PGR: variants seen among roughly 807,000 people sequenced by gnomAD.
PGR encodes progesterone receptor, also known as nuclear receptor subfamily 3 group C member 3.
PGR carries 25 observed loss-of-function variants against 76.1 expected under a neutral mutation model. The observed-to-expected ratio is 0.33, with a 90% CI of 0.24 to 0.46. PGR has a LOEUF of 0.46. PGR is among the 20% of genes least tolerant of loss of function. The pLI, the probability that PGR is intolerant of heterozygous loss-of-function variation, is 1.00. For missense variants in PGR, 1,172 were observed against 1,225.3 expected, an observed-to-expected ratio of 0.96 and a Z score of 0.65; for synonymous variants, 579 against 535.0, an observed-to-expected ratio of 1.08 and a Z score of -1.14.
At chr11:101,082,063 T>G (rs1861329385) in intron 3 of PGR, among the ~76,000 whole-genome samples, 1 of 152,134 alleles carries the variant, frequency 6.6e-6, no homozygotes, top group African/African-American at 2.4e-5. Flanking sequence ...ATACTGTTGT[T>G]GTGATAATGA....
chr11:101,117,168 T>G (rs1421781506), intron 2 of PGR, among the ~76,000 whole-genome samples: 1 of 152,184 alleles, frequency 6.6e-6, no homozygotes, highest in Non-Finnish European at 1.5e-5. Context: ...TACCAAACTA[T>G]CTTCAGATTC....
chr11:101,054,377 T>C (rs1860214568), intron 4 of PGR, among the ~76,000 whole-genome samples: 1 of 152,196 alleles, frequency 6.6e-6, no homozygotes, highest in Non-Finnish European at 1.5e-5. Context: ...AATTTGCATA[T>C]GACTTGAACG....
chr11:101,124,470 G>A (rs1303792233), intron 2 of PGR, among the ~76,000 whole-genome samples: 1 of 152,070 alleles, frequency 6.6e-6, no homozygotes, highest in African/African-American at 2.4e-5. Flanking sequence ...CTAGTTTTGT[G>A]ACCTTTGGAA....
At position 101,125,949 on chromosome 11, in the gene PGR, T is replaced by C. The variant is rs139468772; in HGVS notation, c.1789+58A>G. The C allele has an allele frequency of 8.5e-6, 12 of 1,404,900 alleles. No individual in the cohort carries two copies. In the African/African-American group the frequency reaches 1.6e-4, roughly 18 times the overall value. The allele number at this position is 1,404,900 out of a possible 1,614,324, so 87.0% of individuals were successfully genotyped here. On this transcript the variant is annotated intron_variant, in intron 2 of 7. Coordinates refer to ENST00000325455, the MANE Select transcript of PGR (RefSeq NM_000926.4). ...GGAATAATTGAAATCTATACAATAT[T>C]AGATGGTCTCCATTTACAATTAAAC...
intron 6 of PGR, among the ~76,000 whole-genome samples, chr11:101,046,895 G>A (rs542593355): frequency 6.6e-6 from 1 of 152,072 alleles, no homozygotes; most frequent in African/African-American, 2.4e-5. Flanking sequence ...TTAATTAACA[G>A]CAGCTTTCTA....
rs1230617190 is a variant in PGR at position 101,035,101 on chromosome 11, C to T, written c.*4015G>A. On this transcript the variant is annotated 3_prime_UTR_variant, in exon 8 of 8. Transcript: ENST00000325455. The stretch of plus-strand genomic sequence containing the variant: ...AAGAGATGTAGAAATTTCCCACATC[C>T]AATGGCTATTGAACAGGCATACTTT... The T allele has an allele frequency of 9.6e-6, 2 of 208,828 alleles. No individual in the cohort carries two copies. The highest frequency in any genetic ancestry group is 1.2e-4 in the Admixed American group (2 of 16,934). 12.9% of individuals were successfully genotyped at this position (208,828 alleles called of 1,614,324 possible).
intron 1 of PGR, 25 bp from the exon 2 acceptor site, chr11:101,126,183 C>A: frequency 6.2e-7 from 1 of 1,612,010 alleles, no homozygotes; most frequent in South Asian, 1.1e-5. Context: ...CAAAGTACTC[C>A]ATTTATTTTT....
At chr11:101,044,114 C>CTTCCAGTGGAAAGCTGTTTTATCTA (rs1457676727) in intron 6 of PGR, among the ~76,000 whole-genome samples, 1 of 152,212 alleles carries the variant, frequency 6.6e-6, no homozygotes, top group Admixed American at 6.5e-5. Flanking sequence ...ATGACATCTT[C>CTTCCAGTGGAAAGCTGTTTTATCTA]TTCCAGTGGA....
chr11:101,051,831 T>C (rs1417670408), intron 4 of PGR, among the ~76,000 whole-genome samples: 1 of 152,134 alleles, frequency 6.6e-6, no homozygotes, highest in Non-Finnish European at 1.5e-5. Context: ...CCATCACTCA[T>C]TCATGCAACA....
At position 101,128,328 on chromosome 11, in the gene PGR, G is replaced by A. The variant is rs1862957314; in HGVS notation, c.743C>T (p.Ala248Val). The change falls in exon 1 of 8, where the codon GCG (alanine) becomes GTG (valine). Residue 248 changes from alanine (A) to valine (V), a missense_variant. This residue lies in a region of PGR where 893 missense variants were observed against 785.9 expected (regional missense o/e 1.14). Coordinates refer to ENST00000325455, the MANE Select transcript of PGR (RefSeq NM_000926.4). ...KGKPRALGGA[A>V]AGGGAAAVPP... ...GACAGCCGCGGCTCCTCCTCCAGCCGCCGCGCCACCCAGAGCCCGAGGTTT... is the reference window on the plus strand; with the variant it reads ...GACAGCCGCGGCTCCTCCTCCAGCCACCGCGCCACCCAGAGCCCGAGGTTT... 3 of 1,596,136 alleles carry A rather than the reference G, an allele frequency of 1.9e-6. No homozygotes were observed. The South Asian group carries it at 3.3e-5, about 18-fold the overall frequency.
chr11:101,085,829 C>T (rs1429694019), intron 3 of PGR, among the ~76,000 whole-genome samples: 4 of 152,050 alleles, frequency 2.6e-5, no homozygotes. Context: ...CCTCTACACA[C>T]ACAAACTACA....
intron 2 of PGR, among the ~76,000 whole-genome samples, chr11:101,112,164 T>A (rs1003572764): frequency 9.2e-5 from 14 of 152,058 alleles, no homozygotes; most frequent in Non-Finnish European, 2.1e-4. Context: ...CAACAACTGA[T>A]TGGGTTAGGT....
rs1859306417 is a variant in PGR at position 101,030,210 on chromosome 11, C to T, written c.*8906G>A. The T allele has an allele frequency of 4.5e-6, 1 of 222,480 alleles. No individual in the cohort carries two copies. Among genetic ancestry groups the T allele is most frequent in the Admixed American group, 5.8e-5 (1 of 17,368 alleles). 13.8% of individuals were successfully genotyped at this position (222,480 alleles called of 1,614,324 possible). On this transcript the variant is annotated 3_prime_UTR_variant, in exon 8 of 8. Coordinates refer to ENST00000325455, the MANE Select transcript of PGR (RefSeq NM_000926.4). ...GTCATGAGAAAGATTCCCTGCATCT[C>T]TTGCCAAGTATTAACACTAGTTTTA... is the stretch of plus-strand genomic sequence containing the variant.
intron 7 of PGR, 37 bp from the exon 8 acceptor site, chr11:101,039,308 A>C: frequency 6.8e-7 from 1 of 1,479,254 alleles, no homozygotes; most frequent in Non-Finnish European, 9.4e-7. Flanking sequence ...ACATGTAATA[A>C]AAATAATAAA....
intron 2 of PGR, among the ~76,000 whole-genome samples, chr11:101,125,131 A>G (rs1862798686): frequency 6.6e-6 from 1 of 152,158 alleles, no homozygotes; most frequent in Non-Finnish European, 1.5e-5. Flanking sequence ...GCTTCATTTT[A>G]CATAGTTATA....
intron 3 of PGR, among the ~76,000 whole-genome samples, chr11:101,090,075 A>G (rs1336126826): frequency 6.6e-6 from 1 of 151,964 alleles, no homozygotes; most frequent in Non-Finnish European, 1.5e-5. Context: ...GCGGGTGCCT[A>G]TGATACCAGC....
At chr11:101,065,348 T>C (rs774371160) in intron 3 of PGR, among the ~76,000 whole-genome samples, 1 of 152,246 alleles carries the variant, frequency 6.6e-6, no homozygotes, top group Admixed American at 6.5e-5. Flanking sequence ...TGAACAGCAA[T>C]GTGATTTTTA....
At chr11:101,079,199 C>T (rs1312762570) in intron 3 of PGR, among the ~76,000 whole-genome samples, 2 of 152,144 alleles carry the variant, frequency 1.3e-5, no homozygotes, top group Non-Finnish European at 2.9e-5. Context: ...CTTTGGGGAA[C>T]TGCTTTAAGA....
chr11:101,082,125 A>ACT (rs3067562), intron 3 of PGR, among the ~76,000 whole-genome samples: 17,641 of 145,602 alleles, frequency 0.12, 1,267 homozygotes, highest in Non-Finnish European at 0.16. Flanking sequence ...TTCCCCTCTC[A>ACT]CTCTCTCTCT....
Sources: allele counts gnomAD v4.1 joint callset (sites outside exome capture counted in the v4.1 genomes callset), GRCh38; gene constraint gnomAD v4.1.1; regional missense constraint gnomAD v4.1.1; transcripts MANE v1.5; gene names NCBI Gene and HGNC (gene_info 2026-07-23, HGNC 2026-07-21).